Variants in EML5 observed in about 807,000 individuals in gnomAD.
EML5 encodes the protein EMAP like 5.
Under a neutral mutation model 250.0 loss-of-function variants are expected in EML5, and 120 were observed. That is an observed-to-expected ratio of 0.48 (90% CI 0.41 to 0.56). The LOEUF is 0.56. Among genes scored for constraint, EML5 ranks in the 20% least tolerant of loss-of-function variants. The pLI is 0.00. For missense variants in EML5, 2,006 were observed against 2,437.6 expected (o/e 0.82, Z 3.73); for synonymous variants, 771 against 806.5 (o/e 0.96, Z 0.75).
chr14:88,729,217 G>C (rs1472974632), intron 7 of EML5, among the ~76,000 whole-genome samples: 1 of 151,788 alleles, frequency 6.6e-6, no homozygotes, highest in Non-Finnish European at 1.5e-5. Context: ...TTACTATATT[G>C]ACCAAGACTT....
chr14:88,666,571 G>C (rs577046011), intron 21 of EML5, among the ~76,000 whole-genome samples: 1 of 152,026 alleles, frequency 6.6e-6, no homozygotes, highest in South Asian at 2.1e-4. Context: ...CATTATTAAA[G>C]GTAGGAAGAT....
intron 1 of EML5, among the ~76,000 whole-genome samples, chr14:88,771,817 A>T (rs1345610593): frequency 6.6e-6 from 1 of 152,154 alleles, no homozygotes; most frequent in Non-Finnish European, 1.5e-5. Context: ...CTGACTTCAC[A>T]GTTTATCAGC....
chr14:88,695,450 A>C lies in EML5; in HGVS notation c.2349T>G (p.Asp783Glu). Residue 783 changes from aspartate to glutamate, a missense_variant, in exon 16 of 44, where the codon GAT becomes GAG. Asp to Glu is a conservative substitution (Grantham distance 45, BLOSUM62 2). Coordinates refer to ENST00000554922, the MANE Select transcript of EML5 (RefSeq NM_183387.3). ...YGVSAVDFSA[D>E]GKRLASVGID... is the part of the protein sequence containing the mutation. Reference sequence around the variant, plus strand: ...TGCCAACTGATGCCAAACGTTTCCCATCCGCTGTGGAAAATTAATGAGAGA... The same window carrying C: ...TGCCAACTGATGCCAAACGTTTCCCCTCCGCTGTGGAAAATTAATGAGAGA... 2.5e-6 allele frequency: 4 copies of C among 1,611,334 alleles called. No homozygotes were observed. The South Asian group carries it at 4.4e-5, about 18-fold the overall frequency.
intron 34 of EML5, 39 bp downstream of exon 34, chr14:88,627,607 C>CTACCT: frequency 6.4e-7 from 1 of 1,554,954 alleles, no homozygotes. Context: ...CCTTTGTATT[C>CTACCT]TTGTTTTTTT....
rs140020540 is a variant in EML5 at position 88,745,309 on chromosome 14, C to T, written c.456+876G>A. Among the ~76,000 whole-genome samples the T allele has an allele frequency of 1.4e-4, 22 of 152,078 alleles. No homozygotes were observed. The East Asian group carries it at 2.5e-3, about 17-fold the overall frequency. On this transcript the variant is annotated intron_variant, in intron 3 of 43. Transcript: ENST00000554922. The stretch of plus-strand genomic sequence containing the variant: ...ATGATAAATTCCCACCAAATACAGT[C>T]ATTGGCCATGCCTCTGTGCTGGTTC...
chr14:88,663,152 A>G (rs2092184036), intron 23 of EML5, 33 bp from the exon 24 acceptor site: 9 of 1,368,122 alleles, frequency 6.6e-6, no homozygotes, highest in African/African-American at 1.5e-5. Context: ...ATTTACACAT[A>G]TAAAATACAT....
At chr14:88,749,944 T>C (rs998080740) in intron 2 of EML5, among the ~76,000 whole-genome samples, 6 of 152,116 alleles carry the variant, frequency 3.9e-5, no homozygotes, top group Non-Finnish European at 8.8e-5. Context: ...GTCAGCAAAG[T>C]ACAACTCTCA....
chr14:88,747,861 T>A (rs895218770), intron 2 of EML5, among the ~76,000 whole-genome samples: 2 of 151,734 alleles, frequency 1.3e-5, no homozygotes, highest in Non-Finnish European at 2.9e-5. Context: ...CATGAAGGAG[T>A]ATCAAGGTCT....
intron 40 of EML5, 50 bp downstream of exon 40, chr14:88,618,600 T>C (rs777179526): frequency 1.7e-5 from 27 of 1,563,194 alleles, no homozygotes; most frequent in Non-Finnish European, 1.3e-5. Context: ...TAACACGAAA[T>C]GTAAAAGCAG....
Position 88,726,532 on chromosome 14 carries a change from A to G in EML5, c.1187+9T>C. ...AAAATTATTATGTGTTTCTACCCTA[A>G]TACCATACCTTACTCTAAGTACAGT... On this transcript the variant is annotated intron_variant, in intron 8 of 43. Coordinates refer to ENST00000554922, the MANE Select transcript of EML5 (RefSeq NM_183387.3). The G allele has an allele frequency of 1.2e-6, 2 of 1,601,828 alleles. No individual in the cohort carries two copies. Among genetic ancestry groups the G allele is most frequent in the Non-Finnish European group, 1.7e-6 (2 of 1,174,064 alleles).
At chr14:88,740,778 C>A (rs979294464) in intron 4 of EML5, among the ~76,000 whole-genome samples, 3 of 152,152 alleles carry the variant, frequency 2.0e-5, no homozygotes, top group Non-Finnish European at 1.5e-5. Flanking sequence ...TCACTGGTTT[C>A]AATTCTTATC....
intron 18 of EML5, 66 bp downstream of exon 18, chr14:88,688,196 GTTCCTTTAC>G: frequency 1.4e-6 from 2 of 1,447,118 alleles, no homozygotes; most frequent in African/African-American, 1.4e-5. Flanking sequence ...GAAAGGCAGT[GTTCCTTTAC>G]TTCTTAAAAT....
intron 4 of EML5, among the ~76,000 whole-genome samples, chr14:88,743,814 T>C (rs1466942369): frequency 6.6e-6 from 1 of 152,080 alleles, no homozygotes; most frequent in Non-Finnish European, 1.5e-5. Flanking sequence ...GGCTTATTAA[T>C]TTCCTATTCA....
intron 28 of EML5, among the ~76,000 whole-genome samples, chr14:88,648,410 G>A (rs569986945): frequency 4.6e-5 from 7 of 152,094 alleles, no homozygotes; most frequent in Non-Finnish European, 1.0e-4. Context: ...CTAGAGTGCA[G>A]TGGTGTGATC....
At chr14:88,714,825 A>G (rs1171065102) in intron 9 of EML5, 114 bp downstream of exon 9, 1 of 990,092 alleles carries the variant, frequency 1.0e-6, no homozygotes, top group Non-Finnish European at 1.5e-6. Context: ...CTGAAATATT[A>G]GCTCAGATCT....
intron 8 of EML5, among the ~76,000 whole-genome samples, chr14:88,718,103 A>G (rs1260638298): frequency 1.3e-5 from 2 of 152,184 alleles, no homozygotes; most frequent in African/African-American, 4.8e-5. Flanking sequence ...GCTTAGGAAC[A>G]TGGATAATGG....
At chr14:88,704,432 C>G (rs2139740276) in intron 13 of EML5, among the ~76,000 whole-genome samples, 1 of 152,214 alleles carries the variant, frequency 6.6e-6, no homozygotes, top group South Asian at 2.1e-4. Context: ...ATAAATTATC[C>G]AGCTTCAGGT....
intron 27 of EML5, among the ~76,000 whole-genome samples, chr14:88,656,152 A>G (rs952921539): frequency 6.6e-6 from 1 of 152,252 alleles, no homozygotes; most frequent in African/African-American, 2.4e-5. Context: ...ATTCTACTAT[A>G]AAGACACATG....
intron 8 of EML5, 92 bp downstream of exon 8, chr14:88,726,449 T>G (rs969567657): frequency 1.3e-5 from 14 of 1,055,542 alleles, no homozygotes; most frequent in Non-Finnish European, 2.6e-6. Context: ...AAACAACAAG[T>G]ATTATATATT....
Sources: allele counts gnomAD v4.1 joint callset (sites outside exome capture counted in the v4.1 genomes callset), GRCh38; gene constraint gnomAD v4.1.1; transcripts MANE v1.5; gene names NCBI Gene and HGNC (gene_info 2026-07-23, HGNC 2026-07-21).